Variants in PTPRE observed in about 807,000 individuals in gnomAD.
PTPRE encodes the protein protein tyrosine phosphatase receptor type E, also known as receptor-type tyrosine-protein phosphatase epsilon.
In PTPRE, 51 loss-of-function variants were observed where a neutral mutation model predicts 102.0. The ratio of observed to expected loss-of-function variants is 0.50; its 90% CI spans 0.40 to 0.63. The LOEUF (loss-of-function observed/expected upper bound fraction) is 0.63. PTPRE is among the 30% of genes least tolerant of loss of function. PTPRE has a pLI of 0.00. For synonymous variants in PTPRE, 345 were observed against 348.2 expected, an observed-to-expected ratio of 0.99 and a Z score of 0.10; for missense variants, 752 against 915.1, an observed-to-expected ratio of 0.82 and a Z score of 2.30.
intron 1 of PTPRE, among the ~76,000 whole-genome samples, chr10:127,918,213 A>T (rs745607352): frequency 6.6e-6 from 1 of 152,052 alleles, no homozygotes; most frequent in Non-Finnish European, 1.5e-5. Context: ...CATGACTCTT[A>T]TCTAAAGACC....
intron 1 of PTPRE, among the ~76,000 whole-genome samples, chr10:127,949,716 A>T (rs1269830070): frequency 1.3e-5 from 2 of 152,300 alleles, no homozygotes; most frequent in East Asian, 3.9e-4. Context: ...CCTGGGTCAG[A>T]ATCTTCTCTC....
chr10:127,952,167 G>A (rs1395160858), intron 1 of PTPRE, among the ~76,000 whole-genome samples: 1 of 152,124 alleles, frequency 6.6e-6, no homozygotes, highest in Non-Finnish European at 1.5e-5. Flanking sequence ...CCTTCAATAA[G>A]ATATCACACT....
intron 10 of PTPRE, among the ~76,000 whole-genome samples, chr10:128,063,787 A>G (rs1208885910): frequency 1.3e-5 from 2 of 152,208 alleles, no homozygotes; most frequent in East Asian, 3.8e-4. Flanking sequence ...TGCAAGGAGT[A>G]GGGGCTCAAA....
chr10:128,014,650 CTTGGAA>C (rs1173376554), intron 2 of PTPRE, among the ~76,000 whole-genome samples: 2 of 152,246 alleles, frequency 1.3e-5, no homozygotes, highest in East Asian at 3.9e-4. Context: ...AAGCATTTCA[CTTGGAA>C]TTTACTAAAA....
rs772840138 is a variant in PTPRE, at chr10:128,069,650, G to A, written c.1008-42G>A. 3 of 1,610,534 alleles carry A rather than the reference G, an allele frequency of 1.9e-6. No individual in the cohort carries two copies. The African/African-American group carries it at 4.0e-5, about 22-fold the overall frequency. On this transcript the variant is annotated intron_variant, in intron 12 of 20. Transcript: ENST00000254667. ...TCGGGGCCTTTCATTTACTTCGGGA[G>A]GAGTGTGACTCACGACGCAGCATCT...
At chr10:128,046,502 C>T (rs567052633) in intron 3 of PTPRE, among the ~76,000 whole-genome samples, 19 of 152,322 alleles carry the variant, frequency 1.2e-4, no homozygotes, top group Middle Eastern at 3.4e-3. Flanking sequence ...GCGAGGTTTG[C>T]GCTTTGAGGC....
Position 128,070,242 on chromosome 10 carries a change from AC to A in PTPRE, c.1144-58del. 6.6e-7 allele frequency: 1 copy of A among 1,526,208 alleles called. No individual in the cohort carries two copies. Among genetic ancestry groups the A allele is most frequent in the Admixed American group, 2.1e-5 (1 of 47,120 alleles). The allele number at this position is 1,526,208 out of a possible 1,614,324, so 94.5% of individuals were successfully genotyped here. ...CGCCCTCTTTGGTCTGCCAAGCTCCACGTGGGCCAAGACTGCAGGGCAGAGT... is the reference window on the plus strand; with the variant it reads ...CGCCCTCTTTGGTCTGCCAAGCTCCAGTGGGCCAAGACTGCAGGGCAGAGT... On this transcript the variant is annotated intron_variant, in intron 13 of 20. Coordinates refer to ENST00000254667, the MANE Select transcript of PTPRE (RefSeq NM_006504.6). This position sits in a 1 kb window ranked among gnomAD's most constrained non-coding sequence, Gnocchi z 4.8.
intron 2 of PTPRE, among the ~76,000 whole-genome samples, chr10:128,005,397 ACCTTTTTCAC>A (rs1854428084): frequency 6.6e-6 from 1 of 152,168 alleles, no homozygotes; most frequent in Non-Finnish European, 1.5e-5. Context: ...TTGCTCATCT[ACCTTTTTCAC>A]AAAGAGAGAA....
chr10:128,021,296 C>G (rs10764734), intron 2 of PTPRE, among the ~76,000 whole-genome samples: 64,593 of 151,982 alleles, frequency 0.43, 13,926 homozygotes, highest in Non-Finnish European at 0.46. Context: ...CATTCATTCT[C>G]CAGGTGCCAC....
chr10:128,030,705 T>C (rs1390770475), intron 2 of PTPRE, among the ~76,000 whole-genome samples: 2 of 152,204 alleles, frequency 1.3e-5, no homozygotes, highest in Non-Finnish European at 2.9e-5. Flanking sequence ...AAGGTCTTCC[T>C]GGACATCTCT....
Position 127,944,529 on chromosome 10 carries a change from TA to T in PTPRE, c.-31+37223del, listed in dbSNP as rs1377419803. ...ATGGATGGATGGGTGGATGGATGGATAAATGGATGGATGGATAAGTGGATGG... is the reference window on the plus strand; with the variant it reads ...ATGGATGGATGGGTGGATGGATGGATAATGGATGGATGGATAAGTGGATGG... On this transcript the variant is annotated intron_variant, in intron 1 of 20. Transcript: ENST00000254667. This position sits in a 1 kb window ranked among gnomAD's most constrained non-coding sequence, Gnocchi z 4.2. 3.4e-5 allele frequency among the ~76,000 whole-genome samples: 5 copies of T among 146,122 alleles called. No individual in the cohort carries two copies. Among genetic ancestry groups the T allele is most frequent in the Admixed American group, 1.4e-4 (2 of 14,792 alleles).
Position 127,907,122 on chromosome 10 carries a change from CTG to C in PTPRE, c.-217_-216del. 3.4e-6 allele frequency: 1 copy of C among 297,554 alleles called. No individual in the cohort carries two copies. Among genetic ancestry groups the C allele is most frequent in the South Asian group, 1.3e-4 (1 of 7,614 alleles). 18.4% of individuals were successfully genotyped at this position (297,554 alleles called of 1,614,324 possible). A position where few individuals can be genotyped will look rare whatever the true frequency, so the allele number is the denominator to read the frequency against. ...CCGGCCGGACAAATTTCCTGCTAGG[CTG>C]CGGACAGCGGGCGGCAGGAGCCGGC... On this transcript the variant is annotated 5_prime_UTR_variant, in exon 1 of 21. Coordinates refer to ENST00000254667, the MANE Select transcript of PTPRE (RefSeq NM_006504.6). The surrounding 1 kb of genome is among the most constrained non-coding windows in gnomAD (Gnocchi z 4.8).
chr10:127,912,714 G>T (rs775938094), intron 1 of PTPRE, among the ~76,000 whole-genome samples: 8 of 152,264 alleles, frequency 5.3e-5, no homozygotes, highest in Non-Finnish European at 1.0e-4. Flanking sequence ...AGCATTTGGT[G>T]TGAGCGCCCT....
intron 1 of PTPRE, among the ~76,000 whole-genome samples, chr10:127,972,964 G>C (rs1850873333): frequency 6.6e-6 from 1 of 152,234 alleles, no homozygotes; most frequent in Non-Finnish European, 1.5e-5. Context: ...GATTCCTTGA[G>C]TTGTAAAGAA....
intron 5 of PTPRE, among the ~76,000 whole-genome samples, chr10:128,048,245 C>T (rs930308675): frequency 2.6e-5 from 4 of 152,178 alleles, no homozygotes; most frequent in African/African-American, 9.7e-5. Context: ...TCCTGAAGTG[C>T]TTCATGTTTA....
At chr10:127,984,101 G>A (rs1431935835) in intron 2 of PTPRE, among the ~76,000 whole-genome samples, 3 of 125,578 alleles carry the variant, frequency 2.4e-5, no homozygotes, top group Non-Finnish European at 4.8e-5. Flanking sequence ...TTTTTTTTGA[G>A]ACAGAGTTTT....
At chr10:127,913,388 T>C (rs1466310549) in intron 1 of PTPRE, among the ~76,000 whole-genome samples, 2 of 152,254 alleles carry the variant, frequency 1.3e-5, no homozygotes, top group Non-Finnish European at 2.9e-5. Flanking sequence ...TGAACATTAG[T>C]CACCAGTTTT....
chr10:128,068,296 G>C lies in PTPRE; in HGVS notation c.1007+10G>C. ...TCGTGGTCCACTGTAGGTACGCTGT[G>C]GGGGCCACGGGGCGGGACCCTCAAG... On this transcript the variant is annotated intron_variant, in intron 12 of 20. Transcript: ENST00000254667. The C allele has an allele frequency of 6.2e-7, 1 of 1,606,816 alleles. No homozygotes were observed. The highest frequency in any genetic ancestry group is 8.5e-7 in the Non-Finnish European group (1 of 1,175,200).
chr10:128,055,016 C>T (rs891914107), intron 6 of PTPRE, among the ~76,000 whole-genome samples: 5 of 152,134 alleles, frequency 3.3e-5, no homozygotes, highest in Admixed American at 2.0e-4. Context: ...CTTTCAGTTT[C>T]CTCACCCATA....
Sources: allele counts gnomAD v4.1 joint callset (sites outside exome capture counted in the v4.1 genomes callset), GRCh38; gene constraint gnomAD v4.1.1; non-coding constraint Gnocchi (gnomAD v3.1); transcripts MANE v1.5; gene names NCBI Gene and HGNC (gene_info 2026-07-23, HGNC 2026-07-21).